NLGN4X: variants seen among roughly 807,000 people sequenced by gnomAD.
NLGN4X encodes neuroligin 4 X-linked, also known as neuroligin-4, X-linked.
A neutral mutation model predicts 40.3 loss-of-function variants in NLGN4X; 3 were observed. The observed-to-expected ratio is 0.07, with a 90% CI of 0.03 to 0.19. The LOEUF (loss-of-function observed/expected upper bound fraction) is 0.19, where lower values mean the gene tolerates loss of function less well. Among genes scored for constraint, NLGN4X ranks in the 10% least tolerant of loss-of-function variants. The probability of loss-of-function intolerance (pLI) is 1.00; values close to 1 mark genes in which losing one functional copy is unlikely to be tolerated. For synonymous variants in NLGN4X, 270 were observed against 306.8 expected, an observed-to-expected ratio of 0.88 and a Z score of 1.25; for missense variants, 382 against 708.3, an observed-to-expected ratio of 0.54 and a Z score of 5.23.
intron 2 of NLGN4X, among the ~76,000 whole-genome samples, chrX:6,064,503 G>C (rs990995577): frequency 8.9e-6 from 1 of 111,848 alleles, no homozygotes; most frequent in South Asian, 3.8e-4. Flanking sequence ...ACCATGTAGA[G>C]AAGGGCAGGT....
intron 1 of NLGN4X, among the ~76,000 whole-genome samples, chrX:6,196,619 T>G (rs1923115276): frequency 2.0e-5 from 2 of 101,916 alleles, no homozygotes; most frequent in South Asian, 9.5e-4. Context: ...TGAGTCTCCC[T>G]GAAAAGAACT....
intron 1 of NLGN4X, among the ~76,000 whole-genome samples, chrX:6,222,922 C>T (rs1925837331): frequency 8.9e-6 from 1 of 111,756 alleles, no homozygotes; most frequent in Non-Finnish European, 1.9e-5. Context: ...CCCCTTCCAC[C>T]ATGATTGTAA....
rs34690932 is a variant in NLGN4X at position 6,227,958 on chromosome X, A to AGG, written c.-306+581_-306+582dup. The AGG allele has an allele frequency of 3.6e-3, 327 of 90,091 alleles. 2 individuals are homozygous for AGG. The highest frequency in any genetic ancestry group is 6.0e-3 in the Non-Finnish European group (272 of 45,188). 7.4% of individuals were successfully genotyped at this position (90,091 alleles called of 1,213,427 possible). On this transcript the variant is annotated intron_variant, in intron 1 of 5. Coordinates refer to ENST00000381095, the MANE Select transcript of NLGN4X (RefSeq NM_181332.3). The stretch of plus-strand genomic sequence containing the variant: ...TAGCTGACAGTTTTCTTAAAGAATA[A>AGG]GGGGGGGGGGTGGGGGGGGAGAGAA...
At chrX:6,221,710 G>A (rs191139377) in intron 1 of NLGN4X, among the ~76,000 whole-genome samples, 1,407 of 110,033 alleles carry the variant, frequency 0.013, 7 homozygotes, top group Non-Finnish European at 0.021. Flanking sequence ...CTGAAGAGTG[G>A]AATAAGTTAA....
intron 3 of NLGN4X, among the ~76,000 whole-genome samples, chrX:5,965,532 G>C (rs1482866916): frequency 8.9e-6 from 1 of 111,997 alleles, no homozygotes; most frequent in African/African-American, 3.2e-5. Context: ...GCACTTCTAA[G>C]AGAGACTGTC....
chrX:6,125,139 G>C (rs1244099621), intron 2 of NLGN4X, among the ~76,000 whole-genome samples: 1 of 112,276 alleles, frequency 8.9e-6, no homozygotes, highest in East Asian at 2.8e-4. Context: ...CTGAAGAAGT[G>C]CTTAAAAGGG....
At chrX:5,926,621 C>T (rs1056855706) in intron 3 of NLGN4X, among the ~76,000 whole-genome samples, 8 of 110,550 alleles carry the variant, frequency 7.2e-5, no homozygotes, top group African/African-American at 2.6e-4. Flanking sequence ...CATTTTAAAT[C>T]CAGTACAAAT....
chrX:6,185,733 G>GA (rs371281478), intron 1 of NLGN4X, among the ~76,000 whole-genome samples: 6 of 111,716 alleles, frequency 5.4e-5, no homozygotes, highest in African/African-American at 2.0e-4. Flanking sequence ...ATTGGAGTGT[G>GA]AAAAAAACAG....
At chrX:6,030,392 A>ATTGTGTG (rs56353701) in intron 2 of NLGN4X, among the ~76,000 whole-genome samples, 18 of 68,290 alleles carry the variant, frequency 2.6e-4, no homozygotes, top group East Asian at 7.7e-4. Flanking sequence ...CTGGATACAG[A>ATTGTGTG]TATGTGTGTG....
chrX:5,988,670 T>G (rs948890078), intron 3 of NLGN4X, among the ~76,000 whole-genome samples: 1 of 112,559 alleles, frequency 8.9e-6, no homozygotes, highest in Non-Finnish European at 1.9e-5. Flanking sequence ...AGACAACACC[T>G]GGCTGCACAG....
At chrX:5,908,726 A>G (rs1415806226) in intron 4 of NLGN4X, among the ~76,000 whole-genome samples, 1 of 111,707 alleles carries the variant, frequency 9.0e-6, no homozygotes, top group Non-Finnish European at 1.9e-5. Context: ...CCAGGCAAAC[A>G]TAGCAAGACC....
Position 5,994,302 on chromosome X carries a change from G to A in NLGN4X, c.625+34978C>T, listed in dbSNP as rs977848850. 9.8e-5 allele frequency among the ~76,000 whole-genome samples: 11 copies of A among 111,737 alleles called. No homozygotes were observed. In the Admixed American group the frequency reaches 1.1e-3, roughly 11 times the overall value. ...TAAGAAGCATTTGCTGCCTATTTGT[G>A]CTTTATTGAATCCAGCCAGTATGTA... is the stretch of plus-strand genomic sequence containing the variant. On this transcript the variant is annotated intron_variant, in intron 3 of 5. Coordinates refer to ENST00000381095, the MANE Select transcript of NLGN4X (RefSeq NM_181332.3).
At chrX:6,195,581 C>T (rs1037076044) in intron 1 of NLGN4X, among the ~76,000 whole-genome samples, 1 of 112,069 alleles carries the variant, frequency 8.9e-6, no homozygotes, top group Non-Finnish European at 1.9e-5. Flanking sequence ...AATATTAGCT[C>T]TTGAAATTGT....
intron 2 of NLGN4X, among the ~76,000 whole-genome samples, chrX:6,081,171 C>G (rs187115040): frequency 3.0e-3 from 335 of 111,543 alleles, no homozygotes; most frequent in African/African-American, 9.7e-3. Flanking sequence ...ACCTGTGGTC[C>G]AAGCTACTCC....
At chrX:6,129,852 A>C (rs1452258058) in intron 2 of NLGN4X, among the ~76,000 whole-genome samples, 1 of 109,764 alleles carries the variant, frequency 9.1e-6, no homozygotes, top group Non-Finnish European at 1.9e-5. Context: ...ATGTATATGC[A>C]AACTGTGGGG....
rs978580329 is a variant in NLGN4X, at chrX:6,124,793, T to C, written c.472+26202A>G. On this transcript the variant is annotated intron_variant, in intron 2 of 5. Coordinates refer to ENST00000381095, the MANE Select transcript of NLGN4X (RefSeq NM_181332.3). ...TCCTCAAAACACACATTCTCACATA[T>C]ACACGTATATCTGTATTTGTATTTG... Among the ~76,000 whole-genome samples the C allele has an allele frequency of 2.7e-5, 3 of 112,280 alleles. No individual in the cohort carries two copies. The Admixed American group carries it at 2.8e-4, about 11-fold the overall frequency.
chrX:6,226,937 G>A (rs1019482334), intron 1 of NLGN4X: 1 of 120,329 alleles, frequency 8.3e-6, no homozygotes, highest in African/African-American at 3.2e-5. Flanking sequence ...GCGGGCTGTG[G>A]GCGCCCCAGC....
Position 6,210,270 on chromosome X carries a change from G to A in NLGN4X, c.-306+18271C>T, listed in dbSNP as rs1602427182. Among the ~76,000 whole-genome samples, 3 of 75,813 alleles carry A rather than the reference G, an allele frequency of 4.0e-5. No homozygotes were observed. In the South Asian group the frequency reaches 1.6e-3, roughly 39 times the overall value. 65.8% of individuals were successfully genotyped at this position (75,813 alleles called of 115,157 possible). A position where few individuals can be genotyped will look rare whatever the true frequency, so the allele number is the denominator to read the frequency against. On this transcript the variant is annotated intron_variant, in intron 1 of 5. Transcript: ENST00000381095. ...TGTGTGTGTGTGTGTGTGTGTGTGT[G>A]TGTGTATGTATGTAATGGTGCAACA...
At chrX:6,170,451 A>G (rs1055650608) in intron 1 of NLGN4X, among the ~76,000 whole-genome samples, 5 of 112,396 alleles carry the variant, frequency 4.4e-5, no homozygotes, top group Admixed American at 9.4e-5. Flanking sequence ...GGTGATTCCA[A>G]TGGGCAGGTA....
Sources: allele counts gnomAD v4.1 joint callset (sites outside exome capture counted in the v4.1 genomes callset), GRCh38; gene constraint gnomAD v4.1.1; transcripts MANE v1.5; gene names NCBI Gene and HGNC (gene_info 2026-07-23, HGNC 2026-07-21).